PLOD2: variants seen among roughly 807,000 people sequenced by gnomAD.
PLOD2 encodes the protein procollagen-lysine,2-oxoglutarate 5-dioxygenase 2.
PLOD2 carries 65 observed loss-of-function variants against 101.0 expected under a neutral mutation model. That is an observed-to-expected ratio of 0.64 (90% CI 0.53 to 0.79). PLOD2 has a LOEUF of 0.79. Among genes scored for constraint, PLOD2 ranks in the 30% least tolerant of loss-of-function variants. The pLI, the probability that PLOD2 is intolerant of heterozygous loss-of-function variation, is 0.00. For synonymous variants in PLOD2, 314 were observed against 302.9 expected (o/e 1.04, Z -0.38); for missense variants, 909 against 914.6 (o/e 0.99, Z 0.08).
In PLOD2 at chr3:146,081,871, CA is replaced by C. The variant is rs753839954; in HGVS notation, c.1233-9del. On this transcript the variant is annotated splice_polypyrimidine_tract_variant and intron_variant, in intron 11 of 19. Transcript: ENST00000282903. ...AGAGGAGCAATGATCTTTCTAAAGA[CA>C]GAGAGAGTGTGTGTGAGAGAGAGAA... The C allele has an allele frequency of 2.5e-6, 4 of 1,610,926 alleles. No individual in the cohort carries two copies. The highest frequency in any genetic ancestry group is 2.5e-6 in the Non-Finnish European group (3 of 1,177,530).
At chr3:146,079,814 A>T (rs568545043) in intron 12 of PLOD2, among the ~76,000 whole-genome samples, 1 of 152,018 alleles carries the variant, frequency 6.6e-6, no homozygotes, top group Non-Finnish European at 1.5e-5. Context: ...CATTTACCAA[A>T]ATACCACTGA....
intron 14 of PLOD2, 72 bp downstream of exon 14, chr3:146,077,790 C>T (rs1936396770): frequency 8.2e-6 from 7 of 854,522 alleles, no homozygotes; most frequent in Admixed American, 2.1e-5. Context: ...CTTAAAGAAA[C>T]TTTACTACTA....
chr3:146,081,795 G>T lies in PLOD2; in HGVS notation c.1301C>A (p.Pro434His). ...LWSNFWGALS[P>H]DGYYARSEDY... Reference sequence around the variant, plus strand: ...TTCAGATCGTGCATAGTATCCATCAGGACTCAATGCTCCCCAGAAATTGGA... The same window carrying T: ...TTCAGATCGTGCATAGTATCCATCATGACTCAATGCTCCCCAGAAATTGGA... Residue 434 changes from proline (P) to histidine (H), a missense_variant, in exon 12 of 20, where the codon CCT becomes CAT. By Grantham distance (77) the Pro-to-His change is moderately conservative. Transcript: ENST00000282903. 1.9e-6 allele frequency: 3 copies of T among 1,609,950 alleles called. No individual in the cohort carries two copies. Among genetic ancestry groups the T allele is most frequent in the Non-Finnish European group, 2.6e-6 (3 of 1,176,444 alleles).
chr3:146,151,269 G>A (rs1178193007), intron 1 of PLOD2, among the ~76,000 whole-genome samples: 1 of 152,054 alleles, frequency 6.6e-6, no homozygotes, highest in East Asian at 1.9e-4. Context: ...AGGCTGAGGT[G>A]GGCGGATCAC....
At chr3:146,140,516 T>G (rs1031584305) in intron 1 of PLOD2, among the ~76,000 whole-genome samples, 6 of 152,110 alleles carry the variant, frequency 3.9e-5, no homozygotes, top group African/African-American at 1.4e-4. Flanking sequence ...TTTCATAAAC[T>G]AGTATATAAT....
intron 2 of PLOD2, among the ~76,000 whole-genome samples, chr3:146,122,647 C>A (rs2030247870): frequency 6.6e-6 from 1 of 152,080 alleles, no homozygotes. Context: ...ACTTTGGGAA[C>A]CACTGCATTA....
chr3:146,143,123 G>T (rs1214230467), intron 1 of PLOD2, among the ~76,000 whole-genome samples: 1 of 151,964 alleles, frequency 6.6e-6, no homozygotes, highest in Non-Finnish European at 1.5e-5. Flanking sequence ...CACTCCGACC[G>T]CCCTTGTAAA....
intron 1 of PLOD2, among the ~76,000 whole-genome samples, chr3:146,151,919 T>C (rs2032075395): frequency 6.6e-6 from 1 of 152,220 alleles, no homozygotes. Flanking sequence ...ATGGGAATTA[T>C]TGTTGGCATA....
chr3:146,143,463 A>C (rs1054099655), intron 1 of PLOD2, among the ~76,000 whole-genome samples: 4 of 152,064 alleles, frequency 2.6e-5, no homozygotes, highest in Non-Finnish European at 5.9e-5. Flanking sequence ...TTCTATCAGC[A>C]TTACAGGATC....
intron 4 of PLOD2, among the ~76,000 whole-genome samples, chr3:146,109,008 T>C (rs1321164680): frequency 6.6e-6 from 1 of 152,128 alleles, no homozygotes; most frequent in African/African-American, 2.4e-5. Context: ...GCAGCACCCA[T>C]CCATGAGCCG....
At chr3:146,109,695 A>T (rs1452122012) in intron 4 of PLOD2, among the ~76,000 whole-genome samples, 1 of 152,222 alleles carries the variant, frequency 6.6e-6, no homozygotes, top group Non-Finnish European at 1.5e-5. Flanking sequence ...GTCAAATTTT[A>T]TTTAATTTTC....
chr3:146,122,171 G>A (rs1465184724), intron 2 of PLOD2, among the ~76,000 whole-genome samples: 8 of 152,186 alleles, frequency 5.3e-5, no homozygotes, highest in Non-Finnish European at 1.2e-4. Context: ...AGCCTGTGGG[G>A]CTCCCAGCCT....
chr3:146,122,991 T>C lies in PLOD2; in HGVS notation c.201+1147A>G, dbSNP rs141553801. ...ATACTGCTACATTTTCCATCTATCATAGTAACATATTTCTAACATGTTTTT... is the reference window on the plus strand; with the variant it reads ...ATACTGCTACATTTTCCATCTATCACAGTAACATATTTCTAACATGTTTTT... On this transcript the variant is annotated intron_variant, in intron 2 of 19. Transcript: ENST00000282903. 1.9e-3 allele frequency among the ~76,000 whole-genome samples: 283 copies of C among 152,278 alleles called. 2 individuals are homozygous for C. Among genetic ancestry groups the C allele is most frequent in the African/African-American group, 6.4e-3 (268 of 41,576 alleles).
chr3:146,127,140 T>C lies in PLOD2; in HGVS notation c.110-2911A>G, dbSNP rs529194713. ...ACTTTATTTTCGTATGGTTCAGCAATATGAGCTCAGCTGAATAGTTCTTTT... is the reference window on the plus strand; with the variant it reads ...ACTTTATTTTCGTATGGTTCAGCAACATGAGCTCAGCTGAATAGTTCTTTT... On this transcript the variant is annotated intron_variant, in intron 1 of 19. Transcript: ENST00000282903. Among the ~76,000 whole-genome samples the C allele has an allele frequency of 1.4e-4, 22 of 152,322 alleles. No homozygotes were observed. In the South Asian group the frequency reaches 4.6e-3, roughly 32 times the overall value.
chr3:146,117,930 A>G (rs1937987027), intron 3 of PLOD2, among the ~76,000 whole-genome samples: 1 of 151,956 alleles, frequency 6.6e-6, no homozygotes, highest in African/African-American at 2.4e-5. Context: ...CAAATATTAG[A>G]TAGGGGGCCG....
At chr3:146,147,868 T>C (rs1309771167) in intron 1 of PLOD2, among the ~76,000 whole-genome samples, 1 of 152,136 alleles carries the variant, frequency 6.6e-6, no homozygotes, top group African/African-American at 2.4e-5. Context: ...AAGCACCCCA[T>C]CCAAGGAGAG....
chr3:146,147,710 C>A (rs1033066569), intron 1 of PLOD2, among the ~76,000 whole-genome samples: 4 of 152,048 alleles, frequency 2.6e-5, no homozygotes, highest in Non-Finnish European at 5.9e-5. Flanking sequence ...TCATAGCATG[C>A]GAAGAGTCAC....
chr3:146,121,252 T>G lies in PLOD2; in HGVS notation c.202-4A>C. ...ATTCTTCTCCTTGACCAAGGACCTA[T>G]AAACAAAATCAACATTTCATTCCTG... On this transcript the variant is annotated splice_region_variant and splice_polypyrimidine_tract_variant and intron_variant, in intron 2 of 19. Coordinates refer to ENST00000282903, the MANE Select transcript of PLOD2 (RefSeq NM_182943.3). 1.2e-6 allele frequency: 2 copies of G among 1,611,750 alleles called. No individual in the cohort carries two copies. The highest frequency in any genetic ancestry group is 1.7e-6 in the Non-Finnish European group (2 of 1,178,260).
At chr3:146,076,723 C>A in intron 15 of PLOD2, 59 bp downstream of exon 15, 2 of 854,414 alleles carry the variant, frequency 2.3e-6, no homozygotes, top group South Asian at 1.5e-5. Flanking sequence ...TATTAACCAA[C>A]TGATTTATAA....
Sources: allele counts gnomAD v4.1 joint callset (sites outside exome capture counted in the v4.1 genomes callset), GRCh38; gene constraint gnomAD v4.1.1; transcripts MANE v1.5; gene names NCBI Gene and HGNC (gene_info 2026-07-23, HGNC 2026-07-21).